MBOAT1: variants seen among roughly 807,000 people sequenced by gnomAD.
The protein encoded by MBOAT1 is membrane bound glycerophospholipid O-acyltransferase 1, also known as membrane-bound glycerophospholipid O-acyltransferase 1.
In MBOAT1, 67 loss-of-function variants were observed where a neutral mutation model predicts 64.4. That is an observed-to-expected ratio of 1.04 (90% CI 0.85 to 1.27). The LOEUF is 1.27. Ranked by LOEUF, MBOAT1 falls within the 50% of genes most tolerant of loss-of-function variation. The pLI is 0.00. For missense variants in MBOAT1, 563 were observed against 604.6 expected (o/e 0.93, Z 0.72); for synonymous variants, 229 against 218.9 (o/e 1.05, Z -0.41).
intron 1 of MBOAT1, among the ~76,000 whole-genome samples, chr6:20,208,445 C>CAAAAAAAAAAAAAAAAGA (rs10527757): frequency 1.3e-5 from 1 of 74,818 alleles, no homozygotes; most frequent in Non-Finnish European, 2.7e-5. Flanking sequence ...GACTCTGTCT[C>CAAAAAAAAAAAAAAAAGA]AAAAAAAAAA....
At position 20,149,790 on chromosome 6, in the gene MBOAT1, C is replaced by G. The variant is rs192682464; in HGVS notation, c.323+1395G>C. The stretch of plus-strand genomic sequence containing the variant: ...TGTTATAAGTAACTAAAAGATCATA[C>G]AGTGAAAAGTTAAATTTCAATGTTT... On this transcript the variant is annotated intron_variant, in intron 3 of 12. Coordinates refer to ENST00000324607, the MANE Select transcript of MBOAT1 (RefSeq NM_001080480.3). Among the ~76,000 whole-genome samples the G allele has an allele frequency of 5.9e-5, 9 of 152,264 alleles. 1 individual carries two copies. Among genetic ancestry groups the G allele is most frequent in the Admixed American group, 5.2e-4 (8 of 15,292 alleles).
At chr6:20,204,045 C>T (rs1763191868) in intron 1 of MBOAT1, among the ~76,000 whole-genome samples, 1 of 152,194 alleles carries the variant, frequency 6.6e-6, no homozygotes, top group Non-Finnish European at 1.5e-5. Context: ...AAAGACAATT[C>T]CATCTTTAAA....
At chr6:20,168,448 G>A (rs1762070998) in intron 1 of MBOAT1, among the ~76,000 whole-genome samples, 1 of 147,210 alleles carries the variant, frequency 6.8e-6, no homozygotes, top group Admixed American at 6.8e-5. Flanking sequence ...CTGGGCCACA[G>A]AGTCAGACTC....
At chr6:20,116,821 G>GTT (rs1760332421) in intron 9 of MBOAT1, among the ~76,000 whole-genome samples, 1 of 152,136 alleles carries the variant, frequency 6.6e-6, no homozygotes, top group African/African-American at 2.4e-5. Context: ...GAAGGATTCT[G>GTT]TTTTTTGGCA....
At chr6:20,108,198 G>A (rs1301942322) in intron 12 of MBOAT1, among the ~76,000 whole-genome samples, 1 of 152,114 alleles carries the variant, frequency 6.6e-6, no homozygotes, top group Non-Finnish European at 1.5e-5. Flanking sequence ...TTGAAAATTC[G>A]GTTTCTCTGT....
Position 20,212,270 on chromosome 6 carries a change from C to A in MBOAT1, c.-36G>T. Reference sequence around the variant, plus strand: ...CGGGAGGTGGCTGCCCCTGTCCCAGCCCGCAACACCCCCTGCTCGGCGTCC... The same window carrying A: ...CGGGAGGTGGCTGCCCCTGTCCCAGACCGCAACACCCCCTGCTCGGCGTCC... On this transcript the variant is annotated 5_prime_UTR_variant, in exon 1 of 13. Coordinates refer to ENST00000324607, the MANE Select transcript of MBOAT1 (RefSeq NM_001080480.3). 4 of 1,575,534 alleles carry A rather than the reference C, an allele frequency of 2.5e-6. No individual in the cohort carries two copies. Among genetic ancestry groups the A allele is most frequent in the Non-Finnish European group, 3.5e-6 (4 of 1,156,522 alleles).
At chr6:20,147,411 G>A (rs543616048) in intron 3 of MBOAT1, among the ~76,000 whole-genome samples, 33 of 152,314 alleles carry the variant, frequency 2.2e-4, no homozygotes, top group South Asian at 1.2e-3. Context: ...AGGCCAAGGC[G>A]GGCGGATCAC....
At chr6:20,192,446 C>T (rs77337941) in intron 1 of MBOAT1, among the ~76,000 whole-genome samples, 1,765 of 152,254 alleles carry the variant, frequency 0.012, 17 homozygotes, top group Non-Finnish European at 0.017. Flanking sequence ...GCCCAGGCAT[C>T]CTATCTATTC....
At chr6:20,150,332 C>G (rs1376396720) in intron 3 of MBOAT1, among the ~76,000 whole-genome samples, 1 of 152,030 alleles carries the variant, frequency 6.6e-6, no homozygotes, top group Non-Finnish European at 1.5e-5. Flanking sequence ...TCACCAGATT[C>G]AAGAGGGTGG....
rs539229739 is a variant in MBOAT1, at chr6:20,101,922, C to A, written c.*364G>T. On this transcript the variant is annotated 3_prime_UTR_variant, in exon 13 of 13. Coordinates refer to ENST00000324607, the MANE Select transcript of MBOAT1 (RefSeq NM_001080480.3). ...CGAGGTCAGGAGATCGAGACCATCC[C>A]GGCTAAAACGGTGAAACCCCGTCTC... 7.3e-5 allele frequency among the ~76,000 whole-genome samples: 11 copies of A among 151,330 alleles called. No individual in the cohort carries two copies. The South Asian group carries it at 2.3e-3, about 32-fold the overall frequency.
intron 1 of MBOAT1, among the ~76,000 whole-genome samples, chr6:20,192,713 A>G (rs1475695874): frequency 2.0e-5 from 3 of 152,190 alleles, no homozygotes; most frequent in East Asian, 1.9e-4. Context: ...CCCCAACCTC[A>G]TCTGATATTC....
intron 1 of MBOAT1, among the ~76,000 whole-genome samples, chr6:20,183,114 G>A (rs56400891): frequency 0.048 from 7,354 of 152,156 alleles, 229 homozygotes; most frequent in Non-Finnish European, 0.074. Flanking sequence ...TGTCCTCTGC[G>A]TCACCTCCCC....
In MBOAT1 at chr6:20,113,026, A is replaced by G; in HGVS notation, c.1077-18T>C. 1 of 1,609,928 alleles carries G rather than the reference A, an allele frequency of 6.2e-7. No homozygotes were observed. On this transcript the variant is annotated intron_variant, in intron 10 of 12. Coordinates refer to ENST00000324607, the MANE Select transcript of MBOAT1 (RefSeq NM_001080480.3). The stretch of plus-strand genomic sequence containing the variant: ...AGCACACACTGTGAAGAGAGGAAGG[A>G]ACAAGACACAGGTGAAACATACCAG...
chr6:20,185,756 C>T (rs1762633387), intron 1 of MBOAT1, among the ~76,000 whole-genome samples: 1 of 152,158 alleles, frequency 6.6e-6, no homozygotes, highest in South Asian at 2.1e-4. Context: ...CATATTTTTT[C>T]ATCCCACCTC....
At chr6:20,152,870 T>C in intron 1 of MBOAT1, 101 bp from the exon 2 acceptor site, 1 of 1,354,788 alleles carries the variant, frequency 7.4e-7, no homozygotes, top group Non-Finnish European at 9.9e-7. Context: ...TCTCGTTCTG[T>C]CGCCCAGGCT....
chr6:20,103,543 T>C (rs1275260104), intron 12 of MBOAT1, among the ~76,000 whole-genome samples: 1 of 152,016 alleles, frequency 6.6e-6, no homozygotes, highest in Non-Finnish European at 1.5e-5. Flanking sequence ...ACGATTCTCC[T>C]GCCTCAGCCT....
chr6:20,118,179 C>T (rs372925580), intron 9 of MBOAT1, among the ~76,000 whole-genome samples: 9 of 151,990 alleles, frequency 5.9e-5, no homozygotes, highest in South Asian at 4.2e-4. Context: ...AAAGATTTTC[C>T]GGGCTCTTTT....
At chr6:20,109,485 A>G in intron 12 of MBOAT1, 113 bp downstream of exon 12, 1 of 1,297,128 alleles carries the variant, frequency 7.7e-7, no homozygotes, top group South Asian at 1.5e-5. Flanking sequence ...CCCACACTGA[A>G]GCCCCAGTTA....
At chr6:20,182,702 C>T (rs1234004615) in intron 1 of MBOAT1, among the ~76,000 whole-genome samples, 4 of 152,286 alleles carry the variant, frequency 2.6e-5, no homozygotes, top group Non-Finnish European at 4.4e-5. Flanking sequence ...CCTGTGACAC[C>T]GTGCAGCTGC....
Sources: allele counts gnomAD v4.1 joint callset (sites outside exome capture counted in the v4.1 genomes callset), GRCh38; gene constraint gnomAD v4.1.1; transcripts MANE v1.5; gene names NCBI Gene and HGNC (gene_info 2026-07-23, HGNC 2026-07-21).